The following PSG4 variants were observed in gnomAD, a reference collection of about 807,000 sequenced individuals.
The protein encoded by PSG4 is pregnancy-specific beta-1-glycoprotein 4.
A neutral mutation model predicts 44.3 loss-of-function variants in PSG4; 61 were observed. The observed-to-expected ratio is 1.38, with a 90% CI of 1.12 to 1.70. PSG4 has a LOEUF of 1.70. PSG4 is among the 40% of genes most tolerant of loss of function. The pLI is 0.00. For missense variants in PSG4, 677 were observed against 511.7 expected, an observed-to-expected ratio of 1.32 and a Z score of -3.12; for synonymous variants, 248 against 191.3, an observed-to-expected ratio of 1.30 and a Z score of -2.45.
chr19:43,196,634 T>A (rs1967258864), intron 3 of PSG4: 1 of 151,462 alleles, frequency 6.6e-6, no homozygotes, highest in Admixed American at 6.6e-5. Context: ...GCCCTTTTTT[T>A]TTCTCTCACC....
intron 5 of PSG4, chr19:43,193,619 C>T (rs1275725744): frequency 3.5e-6 from 2 of 578,668 alleles, no homozygotes; most frequent in Non-Finnish European, 6.1e-6. Flanking sequence ...TGTAGGCGCT[C>T]TTTTAGAATT....
At position 43,195,039 on chromosome 19, in the gene PSG4, C is replaced by T. The variant is rs769047324; in HGVS notation, c.944G>A (p.Arg315Gln). The change falls in exon 4 of 6, where the codon CGA (arginine) becomes CAA (glutamine). Residue 315 changes from arginine to glutamine, a missense_variant. Arg to Gln is a conservative substitution (Grantham distance 43, BLOSUM62 1). Transcript: ENST00000405312. ...TGGGTCACTGCGGATGCCACCATAT[C>T]GGTCCCGTATTTCACATTGATAAGG... ...TGPYQCEIRD[R>Q]YGGIRSDPVT... The T allele has an allele frequency of 5.1e-5, 83 of 1,611,832 alleles. 3 individuals are homozygous for T. The highest frequency in any genetic ancestry group is 1.5e-4 in the African/African-American group (11 of 74,462).
rs1200252508 is a variant in PSG4 at position 43,195,339 on chromosome 19, A to C, written c.710-66T>G. 20 of 1,581,520 alleles carry C rather than the reference A, an allele frequency of 1.3e-5. 1 individual carries two copies. Among genetic ancestry groups the C allele is most frequent in the Non-Finnish European group, 1.7e-5 (20 of 1,161,664 alleles). ...TTTGATTCCTCCACAGGCATACTTC[A>C]ATCAGAGTTGGCATCTCCCACCTCT... On this transcript the variant is annotated intron_variant, in intron 3 of 5. Coordinates refer to ENST00000405312, the MANE Select transcript of PSG4 (RefSeq NM_002780.5).
At chr19:43,199,518 T>C (rs994605406) in intron 2 of PSG4, among the ~76,000 whole-genome samples, 5 of 145,706 alleles carry the variant, frequency 3.4e-5, no homozygotes, top group Non-Finnish European at 7.4e-5. Context: ...TGGTTTAGCA[T>C]CCCAAATCTG....
chr19:43,203,910 C>T lies in PSG4; in HGVS notation c.406G>A (p.Gly136Arg). Reference protein sequence around the residue: ...KRRDGTGGVTGHFTFTLHLET... With the variant: ...KRRDGTGGVTRHFTFTLHLET... ...CGGTGTAAGGTGAAGGTGAAATGTC[C>T]AGTTACTCCTCCAGTCCCATCGCGT... Residue 136 changes from glycine to arginine, a missense_variant, in exon 2 of 6, where the codon GGA becomes AGA. Transcript: ENST00000405312. 1 of 1,582,576 alleles carries T rather than the reference C, an allele frequency of 6.3e-7. No homozygotes were observed. The highest frequency in any genetic ancestry group is 8.6e-7 in the Non-Finnish European group (1 of 1,169,482).
chr19:43,205,338 A>G, intron 1 of PSG4, 135 bp downstream of exon 1: 1 of 1,109,274 alleles, frequency 9.0e-7, no homozygotes, highest in Admixed American at 2.3e-5. Flanking sequence ...TGAACTCCTG[A>G]TCTCCTGATC....
At chr19:43,199,787 T>A (rs1277963138) in intron 2 of PSG4, among the ~76,000 whole-genome samples, 1 of 145,736 alleles carries the variant, frequency 6.9e-6, no homozygotes, top group African/African-American at 2.6e-5. Context: ...GATCCAGACA[T>A]CGAAGATCAA....
In PSG4 at chr19:43,201,296, G is replaced by T. The variant is rs377664304; in HGVS notation, c.430+2590C>A. 8.3e-5 allele frequency among the ~76,000 whole-genome samples: 12 copies of T among 145,338 alleles called. 2 individuals are homozygous for T. The highest frequency in any genetic ancestry group is 2.2e-4 in the South Asian group (1 of 4,616). ...TAACACCCTTACTTTGCCCAGGGAC[G>T]GCCTTTGTCAAACTAGTGAAAGACC... On this transcript the variant is annotated intron_variant, in intron 2 of 5. Coordinates refer to ENST00000405312, the MANE Select transcript of PSG4 (RefSeq NM_002780.5).
rs758535731 is a variant in PSG4, at chr19:43,204,041, C to T, written c.275G>A (p.Gly92Glu). 1 of 1,586,870 alleles carries T rather than the reference C, an allele frequency of 6.3e-7. No individual in the cohort carries two copies. The highest frequency in any genetic ancestry group is 1.4e-5 in the African/African-American group (1 of 69,458). Reference sequence around the variant, plus strand: ...TCTTTCTCTTCCACTGTATGCAGGCCCATATATAATTCTTTGACCGTCTAC... The same window carrying T: ...TCTTTCTCTTCCACTGTATGCAGGCTCATATATAATTCTTTGACCGTCTAC... Reference protein sequence around the residue: ...YVVDGQRIIYGPAYSGRERVY... With the variant: ...YVVDGQRIIYEPAYSGRERVY... Residue 92 changes from glycine (G) to glutamate (E), a missense_variant, in exon 2 of 6, where the codon GGG (glycine) becomes GAG (glutamate). Transcript: ENST00000405312.
In PSG4 at chr19:43,194,374, C is replaced by G. The variant is rs772491062; in HGVS notation, c.1209G>C (p.Lys403Asn). Residue 403 changes from lysine (K) to asparagine (N), a missense_variant, in exon 5 of 6, where the codon AAG becomes AAC. Transcript: ENST00000405312. ...ACSVRNSATG[K>N]ESSKSITVKV... is the part of the protein sequence containing the mutation. ...TGACTGTGATGGATTTGGAGCTTTCCTTGCCAGTGGCTGAGTTACGAACAG... is the reference window on the plus strand; with the variant it reads ...TGACTGTGATGGATTTGGAGCTTTCGTTGCCAGTGGCTGAGTTACGAACAG... The G allele has an allele frequency of 6.2e-7, 1 of 1,612,452 alleles. No homozygotes were observed. Among genetic ancestry groups the G allele is most frequent in the South Asian group, 1.1e-5 (1 of 91,038 alleles).
chr19:43,195,369 C>T (rs1967197291), intron 3 of PSG4, 96 bp from the exon 4 acceptor site: 2 of 1,521,356 alleles, frequency 1.3e-6, no homozygotes, highest in South Asian at 1.3e-5. Context: ...ACCTCTCAGC[C>T]CACCCGAGTC....
At chr19:43,202,037 A>G (rs1967536541) in intron 2 of PSG4, among the ~76,000 whole-genome samples, 1 of 145,038 alleles carries the variant, frequency 6.9e-6, no homozygotes, top group South Asian at 2.2e-4. Flanking sequence ...ACTCCAGGTG[A>G]TTTCTGCACC....
chr19:43,201,504 G>A (rs193139369), intron 2 of PSG4, among the ~76,000 whole-genome samples: 1 of 145,094 alleles, frequency 6.9e-6, no homozygotes, highest in Non-Finnish European at 1.5e-5. Flanking sequence ...TCATTCTTTT[G>A]CATTCTGGCA....
chr19:43,204,406 T>A lies in PSG4; in HGVS notation c.65-155A>T, dbSNP rs1301947686. The A allele has an allele frequency of 2.8e-6, 3 of 1,053,540 alleles. 1 individual carries two copies. The African/African-American group carries it at 5.4e-5, about 19-fold the overall frequency. The allele number at this position is 1,053,540 out of a possible 1,614,324, so 65.3% of individuals were successfully genotyped here. On this transcript the variant is annotated intron_variant, in intron 1 of 5. Coordinates refer to ENST00000405312, the MANE Select transcript of PSG4 (RefSeq NM_002780.5). ...CACTAAAGGGGCGTGAGTGTATGTGTGTGTGTCCTACTGTCCCACTAGGTC... is the reference window on the plus strand; with the variant it reads ...CACTAAAGGGGCGTGAGTGTATGTGAGTGTGTCCTACTGTCCCACTAGGTC...
Position 43,197,426 on chromosome 19 carries a change from T to G in PSG4, c.709+571A>C, listed in dbSNP as rs114111411. Among the ~76,000 whole-genome samples, 977 of 145,332 alleles carry G rather than the reference T, an allele frequency of 6.7e-3. 188 individuals are homozygous for G. The highest frequency in any genetic ancestry group is 0.025 in the African/African-American group (954 of 37,886). On this transcript the variant is annotated intron_variant, in intron 3 of 5. Transcript: ENST00000405312. ...AAACAGACCTAAACCCCTCTATATG[T>G]TTTAGTGATTTGGGGGATAAAGCAC...
intron 2 of PSG4, among the ~76,000 whole-genome samples, chr19:43,201,357 C>T (rs1967501766): frequency 2.1e-5 from 3 of 145,778 alleles, no homozygotes; most frequent in South Asian, 2.2e-4. Context: ...CCGAATTCTG[C>T]TAAAATGTAG....
rs550252779 is a variant in PSG4 at position 43,197,719 on chromosome 19, C to T, written c.709+278G>A. ...AACACTGAAGTCCCAGCCAAATCCC[C>T]GCTGTGTTCACTGATCTGGAGCCTG... On this transcript the variant is annotated intron_variant, in intron 3 of 5. Coordinates refer to ENST00000405312, the MANE Select transcript of PSG4 (RefSeq NM_002780.5). 488 of 642,958 alleles carry T rather than the reference C, an allele frequency of 7.6e-4. 57 individuals are homozygous for T. The African/African-American group carries it at 7.8e-3, about 10-fold the overall frequency. The allele number at this position is 642,958 out of a possible 1,614,324, so 39.8% of individuals were successfully genotyped here.
At chr19:43,197,548 G>A (rs1344036942) in intron 3 of PSG4, among the ~76,000 whole-genome samples, 4 of 138,374 alleles carry the variant, frequency 2.9e-5, no homozygotes, top group African/African-American at 8.7e-5. Flanking sequence ...GAATTCCCCT[G>A]TATGGTAATA....
chr19:43,203,855 C>A lies in PSG4; in HGVS notation c.430+31G>T, dbSNP rs773820262. ...TGAAGTAGAAGTGACCCCTGTCCCC[C>A]AACACCCAGGGATCATGTGGAATCA... On this transcript the variant is annotated intron_variant, in intron 2 of 5. Transcript: ENST00000405312. 16 of 1,569,382 alleles carry A rather than the reference C, an allele frequency of 1.0e-5. 1 individual carries two copies. The highest frequency in any genetic ancestry group is 1.4e-5 in the Non-Finnish European group (16 of 1,163,240).
Sources: gnomAD v4.1 joint callset for allele counts (sites outside exome capture counted in the v4.1 genomes callset) on GRCh38, gnomAD v4.1.1 for gene constraint, MANE v1.5 for transcripts, NCBI Gene and HGNC (gene_info 2026-07-23, HGNC 2026-07-21) for gene names.